The following TBC1D22B variants were observed in gnomAD, a reference collection of about 807,000 sequenced individuals.
TBC1D22B encodes the protein chromosome 6 open reading frame 197.
TBC1D22B carries 32 observed loss-of-function variants against 69.1 expected under a neutral mutation model. The observed-to-expected ratio is 0.46, with a 90% CI of 0.35 to 0.62. The LOEUF is 0.62. Among genes scored for constraint, TBC1D22B ranks in the 20% least tolerant of loss-of-function variants. The probability of loss-of-function intolerance (pLI) is 0.00; values close to 1 mark genes in which losing one functional copy is unlikely to be tolerated. For synonymous variants in TBC1D22B, 206 were observed against 229.8 expected (o/e 0.90, Z 0.94); for missense variants, 462 against 630.9 (o/e 0.73, Z 2.87).
At chr6:37,282,147 C>T (rs765336073) in intron 3 of TBC1D22B, 38 bp from the exon 4 acceptor site, 4 of 1,607,612 alleles carry the variant, frequency 2.5e-6, no homozygotes, top group Admixed American at 1.7e-5. Context: ...CCATACTCCT[C>T]ACACAGCCCG....
intron 10 of TBC1D22B, among the ~76,000 whole-genome samples, chr6:37,316,395 T>G (rs948706766): frequency 1.3e-5 from 2 of 152,186 alleles, no homozygotes; most frequent in Non-Finnish European, 2.9e-5. Flanking sequence ...GTACTAAGGT[T>G]GAGCAGCCAA....
At chr6:37,260,200 G>T (rs114107533) in intron 1 of TBC1D22B, among the ~76,000 whole-genome samples, 2,355 of 152,248 alleles carry the variant, frequency 0.015, 64 homozygotes, top group African/African-American at 0.051. Flanking sequence ...CTCAAGAATA[G>T]AACTTTTGCA....
At chr6:37,300,533 G>A (rs1767533403) in intron 8 of TBC1D22B, among the ~76,000 whole-genome samples, 1 of 151,838 alleles carries the variant, frequency 6.6e-6, no homozygotes. Context: ...GCTAATTTTT[G>A]TATTTTTGAG....
intron 2 of TBC1D22B, among the ~76,000 whole-genome samples, chr6:37,276,712 C>A (rs192940814): frequency 6.6e-6 from 1 of 152,026 alleles, no homozygotes; most frequent in African/African-American, 2.4e-5. Flanking sequence ...GGGCAGATCA[C>A]CTGAGGTCAA....
intron 10 of TBC1D22B, among the ~76,000 whole-genome samples, chr6:37,314,214 C>G (rs1015265513): frequency 1.2e-4 from 18 of 152,192 alleles, no homozygotes; most frequent in African/African-American, 4.3e-4. Flanking sequence ...GAGGGCTTGC[C>G]TTCTCCATAC....
intron 1 of TBC1D22B, among the ~76,000 whole-genome samples, chr6:37,260,052 A>G (rs1423560158): frequency 6.6e-6 from 1 of 152,152 alleles, no homozygotes; most frequent in Non-Finnish European, 1.5e-5. Flanking sequence ...AGTTTTTAGT[A>G]CCTTACTTGG....
At chr6:37,314,532 A>G (rs1472179783) in intron 10 of TBC1D22B, among the ~76,000 whole-genome samples, 1 of 152,192 alleles carries the variant, frequency 6.6e-6, no homozygotes, top group Admixed American at 6.5e-5. Context: ...GGAATTCCTC[A>G]GCTTTGGCCT....
chr6:37,277,821 C>T (rs1401767294), intron 2 of TBC1D22B, among the ~76,000 whole-genome samples: 1 of 151,942 alleles, frequency 6.6e-6, no homozygotes, highest in African/African-American at 2.4e-5. Context: ...AAATAGAAAA[C>T]AACATTTGTT....
intron 8 of TBC1D22B, 118 bp downstream of exon 8, chr6:37,291,475 C>T: frequency 1.4e-6 from 1 of 696,846 alleles, no homozygotes. Flanking sequence ...ATAGAGAGTG[C>T]CTTTGGCATA....
intron 2 of TBC1D22B, among the ~76,000 whole-genome samples, chr6:37,273,320 T>C (rs754508281): frequency 7.9e-5 from 12 of 152,174 alleles, no homozygotes; most frequent in Non-Finnish European, 1.8e-4. Context: ...CCAGGAGTTA[T>C]TGACTGGTAA....
rs548442238 is a variant in TBC1D22B at position 37,278,927 on chromosome 6, T to C, written c.114-377T>C. Among the ~76,000 whole-genome samples, 28 of 144,536 alleles carry C rather than the reference T, an allele frequency of 1.9e-4. No individual in the cohort carries two copies. In the East Asian group the frequency reaches 5.4e-3, roughly 28 times the overall value. The allele number at this position is 144,536 out of a possible 152,430, so 94.8% of individuals were successfully genotyped here. A position where few individuals can be genotyped will look rare whatever the true frequency, so the allele number is the denominator to read the frequency against. ...CAGCCTAGGTGACAGAAACTCTGTC[T>C]CAAAAAAAAAAAAGAGAGAGGTTAT... On this transcript the variant is annotated intron_variant, in intron 2 of 12. Coordinates refer to ENST00000373491, the MANE Select transcript of TBC1D22B (RefSeq NM_017772.4).
chr6:37,309,101 T>C (rs1767825400), intron 8 of TBC1D22B, among the ~76,000 whole-genome samples: 1 of 152,238 alleles, frequency 6.6e-6, no homozygotes, highest in Non-Finnish European at 1.5e-5. Context: ...AACTAACTTA[T>C]TTAATCCATA....
intron 8 of TBC1D22B, among the ~76,000 whole-genome samples, chr6:37,301,697 TGA>T (rs1360561544): frequency 1.3e-5 from 2 of 152,218 alleles, no homozygotes; most frequent in African/African-American, 4.8e-5. Context: ...ACACCTTTCT[TGA>T]ACAGAGATAG....
chr6:37,306,220 C>T (rs1463999064), intron 8 of TBC1D22B, among the ~76,000 whole-genome samples: 1 of 152,230 alleles, frequency 6.6e-6, no homozygotes. Flanking sequence ...TAGCCTAGTC[C>T]TCTACCCTGG....
intron 12 of TBC1D22B, among the ~76,000 whole-genome samples, chr6:37,325,765 G>A (rs1197057601): frequency 6.6e-6 from 1 of 152,068 alleles, no homozygotes; most frequent in East Asian, 1.9e-4. Flanking sequence ...AGCCAGGCTG[G>A]TCGCGAACTC....
At chr6:37,298,963 A>C (rs972368614) in intron 8 of TBC1D22B, among the ~76,000 whole-genome samples, 3 of 152,236 alleles carry the variant, frequency 2.0e-5, no homozygotes, top group Admixed American at 1.3e-4. Context: ...AAGTGAAATT[A>C]CTAATCCTGA....
chr6:37,273,499 CA>C (rs935717355), intron 2 of TBC1D22B, among the ~76,000 whole-genome samples: 10 of 152,334 alleles, frequency 6.6e-5, no homozygotes, highest in Admixed American at 6.5e-4. Context: ...GTATTTAGGA[CA>C]GATCTTCAGG....
chr6:37,304,732 A>G lies in TBC1D22B; in HGVS notation c.983-8186A>G, dbSNP rs572284321. On this transcript the variant is annotated intron_variant, in intron 8 of 12. Coordinates refer to ENST00000373491, the MANE Select transcript of TBC1D22B (RefSeq NM_017772.4). ...AAACCATAGACATAAACATGTGTCA[A>G]GACTCATAGAACTGTGCACATATGT... 2.6e-5 allele frequency among the ~76,000 whole-genome samples: 4 copies of G among 152,342 alleles called. No individual in the cohort carries two copies. The South Asian group carries it at 8.3e-4, about 32-fold the overall frequency.
chr6:37,291,180 C>T (rs934495107), intron 7 of TBC1D22B, 63 bp from the exon 8 acceptor site: 22 of 1,168,710 alleles, frequency 1.9e-5, no homozygotes, highest in East Asian at 7.2e-5. Context: ...AGTAGGTAAA[C>T]GGAGGGAAGG....
Sources: allele counts gnomAD v4.1 joint callset (sites outside exome capture counted in the v4.1 genomes callset), GRCh38; gene constraint gnomAD v4.1.1; transcripts MANE v1.5; gene names NCBI Gene and HGNC (gene_info 2026-07-23, HGNC 2026-07-21).